Variants in FIGN observed in about 807,000 individuals in gnomAD.
FIGN encodes fidgetin.
Under a neutral mutation model 51.3 loss-of-function variants are expected in FIGN, and 11 were observed. The observed-to-expected ratio is 0.21, with a 90% CI of 0.13 to 0.35. The LOEUF is 0.35. FIGN is among the 10% of genes least tolerant of loss of function. The pLI, the probability that FIGN is intolerant of heterozygous loss-of-function variation, is 1.00. For synonymous variants in FIGN, 407 were observed against 363.2 expected (o/e 1.12, Z -1.37); for missense variants, 857 against 943.6 (o/e 0.91, Z 1.20).
intron 2 of FIGN, among the ~76,000 whole-genome samples, chr2:163,624,359 C>A (rs1195060422): frequency 6.6e-6 from 1 of 151,182 alleles, no homozygotes; most frequent in Non-Finnish European, 1.5e-5. Context: ...CCTCCACAAA[C>A]CAAATAGGAA....
chr2:163,687,216 C>G (rs1490201869), intron 2 of FIGN, among the ~76,000 whole-genome samples: 1 of 152,160 alleles, frequency 6.6e-6, no homozygotes, highest in African/African-American at 2.4e-5. Context: ...CCTCCAAGAC[C>G]ACCCTAGATT....
At chr2:163,660,620 T>G (rs1683637553) in intron 2 of FIGN, among the ~76,000 whole-genome samples, 1 of 147,766 alleles carries the variant, frequency 6.8e-6, no homozygotes, top group African/African-American at 2.5e-5. Context: ...GACTGAGATT[T>G]TGTTAACAGC....
At chr2:163,665,150 G>C (rs542446453) in intron 2 of FIGN, among the ~76,000 whole-genome samples, 1 of 152,332 alleles carries the variant, frequency 6.6e-6, no homozygotes, top group South Asian at 2.1e-4. Context: ...ATTTCTTAAA[G>C]GAAAGTGCAC....
intron 2 of FIGN, among the ~76,000 whole-genome samples, chr2:163,686,758 G>GTA (rs368972073): frequency 0.1 from 14,075 of 136,652 alleles, 696 homozygotes; most frequent in Admixed American, 0.15. Flanking sequence ...GTATGTATGT[G>GTA]TATATATATA....
chr2:163,654,088 T>C (rs1269700866), intron 2 of FIGN, among the ~76,000 whole-genome samples: 1 of 152,074 alleles, frequency 6.6e-6, no homozygotes, highest in Non-Finnish European at 1.5e-5. Context: ...ATGAATAATC[T>C]CGAGGATTTG....
At chr2:163,698,880 A>G (rs1684364087) in intron 2 of FIGN, among the ~76,000 whole-genome samples, 1 of 152,184 alleles carries the variant, frequency 6.6e-6, no homozygotes, top group East Asian at 1.9e-4. Flanking sequence ...GTTTCTTAAA[A>G]GGGAGGCTTG....
intron 2 of FIGN, among the ~76,000 whole-genome samples, chr2:163,681,736 T>C (rs970301448): frequency 6.6e-6 from 1 of 152,152 alleles, no homozygotes; most frequent in Non-Finnish European, 1.5e-5. Flanking sequence ...CAAAGTAAGT[T>C]TCCAAGGGAC....
intron 2 of FIGN, among the ~76,000 whole-genome samples, chr2:163,631,534 T>G (rs541152853): frequency 6.6e-6 from 1 of 152,234 alleles, no homozygotes; most frequent in East Asian, 1.9e-4. Context: ...ACTTCTCTCC[T>G]CTTTATCCCT....
chr2:163,724,681 A>T (rs1479028085), intron 2 of FIGN, among the ~76,000 whole-genome samples: 9 of 152,148 alleles, frequency 5.9e-5, no homozygotes, highest in Admixed American at 3.3e-4. Flanking sequence ...TTCCAAAAGA[A>T]GCCTTAAAGG....
chr2:163,708,117 A>T (rs781761922), intron 2 of FIGN, among the ~76,000 whole-genome samples: 35 of 152,130 alleles, frequency 2.3e-4, no homozygotes, highest in Non-Finnish European at 4.4e-4. Context: ...TGGCCACCTC[A>T]CATATTGTTA....
At chr2:163,639,572 A>G (rs1343735415) in intron 2 of FIGN, among the ~76,000 whole-genome samples, 2 of 152,182 alleles carry the variant, frequency 1.3e-5, no homozygotes, top group Admixed American at 6.5e-5. Context: ...ATAGTGCCTC[A>G]GATACATTCT....
At chr2:163,685,018 C>T (rs1458576689) in intron 2 of FIGN, among the ~76,000 whole-genome samples, 4 of 151,286 alleles carry the variant, frequency 2.6e-5, no homozygotes, top group African/African-American at 9.7e-5. Flanking sequence ...AGCTACTGAC[C>T]TCGTGATTCA....
At chr2:163,677,614 TTA>T (rs1263978607) in intron 2 of FIGN, among the ~76,000 whole-genome samples, 1 of 152,246 alleles carries the variant, frequency 6.6e-6, no homozygotes, top group East Asian at 1.9e-4. Flanking sequence ...TCCTTTACTT[TTA>T]TTAGGCTATT....
intron 2 of FIGN, among the ~76,000 whole-genome samples, chr2:163,675,884 C>T (rs1041497274): frequency 6.7e-6 from 1 of 149,934 alleles, no homozygotes; most frequent in African/African-American, 2.4e-5. Context: ...GCTCCTTTTA[C>T]CAAAATGCCT....
At chr2:163,720,766 T>TG in intron 2 of FIGN, among the ~76,000 whole-genome samples, 1 of 152,128 alleles carries the variant, frequency 6.6e-6, no homozygotes, top group Non-Finnish European at 1.5e-5. Flanking sequence ...CAAAGACAGG[T>TG]TGCTCTACTA....
At chr2:163,652,206 T>G (rs1683487817) in intron 2 of FIGN, among the ~76,000 whole-genome samples, 1 of 152,098 alleles carries the variant, frequency 6.6e-6, no homozygotes, top group Non-Finnish European at 1.5e-5. Context: ...TGTCACAAAT[T>G]CCATTACACT....
Position 163,667,952 on chromosome 2 carries a change from C to T in FIGN, c.26-56146G>A, listed in dbSNP as rs79671987. 6.8e-4 allele frequency among the ~76,000 whole-genome samples: 103 copies of T among 151,504 alleles called. 2 individuals carry two copies. The East Asian group carries it at 0.017, about 25-fold the overall frequency. On this transcript the variant is annotated intron_variant, in intron 2 of 2. Coordinates refer to ENST00000333129, the MANE Select transcript of FIGN (RefSeq NM_018086.4). ...AAATAAACAAGCAAACATTCATTCA[C>T]TCAACACCTGTTTTATTCAATGTCT...
intron 2 of FIGN, among the ~76,000 whole-genome samples, chr2:163,734,672 C>T (rs898986825): frequency 2.6e-5 from 4 of 150,948 alleles, no homozygotes; most frequent in Admixed American, 6.6e-5. Context: ...TGGATGACAG[C>T]TAAAACCGAT....
intron 2 of FIGN, among the ~76,000 whole-genome samples, chr2:163,677,901 A>G (rs915108408): frequency 6.6e-6 from 1 of 152,202 alleles, no homozygotes; most frequent in African/African-American, 2.4e-5. Context: ...ATAAGATGCA[A>G]TATATACTGA....
Sources: allele counts gnomAD v4.1 joint callset (sites outside exome capture counted in the v4.1 genomes callset), GRCh38; gene constraint gnomAD v4.1.1; transcripts MANE v1.5; gene names NCBI Gene and HGNC (gene_info 2026-07-23, HGNC 2026-07-21).